Variants in SOX13 observed in about 807,000 individuals in gnomAD.
The protein encoded by SOX13 is transcription factor SOX-13.
In SOX13, 28 loss-of-function variants were observed where a neutral mutation model predicts 71.8. The observed-to-expected ratio is 0.39, with a 90% CI of 0.29 to 0.53. SOX13 has a LOEUF of 0.53. SOX13 is among the 20% of genes least tolerant of loss of function. The probability of loss-of-function intolerance (pLI) is 0.70; values close to 1 mark genes in which losing one functional copy is unlikely to be tolerated. For synonymous variants in SOX13, 309 were observed against 317.8 expected, an observed-to-expected ratio of 0.97 and a Z score of 0.29; for missense variants, 627 against 810.3, an observed-to-expected ratio of 0.77 and a Z score of 2.75.
intron 1 of SOX13, among the ~76,000 whole-genome samples, chr1:204,088,596 C>G (rs965504021): frequency 6.6e-6 from 1 of 152,152 alleles, no homozygotes; most frequent in Non-Finnish European, 1.5e-5. Context: ...TCACTCCTGT[C>G]CCGTTACCCC....
At chr1:204,077,053 T>C (rs1409201159) in intron 1 of SOX13, among the ~76,000 whole-genome samples, 1 of 152,144 alleles carries the variant, frequency 6.6e-6, no homozygotes, top group Non-Finnish European at 1.5e-5. Flanking sequence ...GTGGTGGCCC[T>C]AGATTGGGAG....
chr1:204,109,927 G>A (rs1439921528), intron 1 of SOX13, among the ~76,000 whole-genome samples: 1 of 151,988 alleles, frequency 6.6e-6, no homozygotes, highest in Non-Finnish European at 1.5e-5. Context: ...CCACCGCCCG[G>A]GTTCAAGAGA....
At chr1:204,078,952 C>T (rs1376910977) in intron 1 of SOX13, among the ~76,000 whole-genome samples, 2 of 152,198 alleles carry the variant, frequency 1.3e-5, no homozygotes, top group Non-Finnish European at 2.9e-5. Flanking sequence ...TGCTGTATGC[C>T]ATGGACCCAG....
intron 1 of SOX13, among the ~76,000 whole-genome samples, chr1:204,078,938 C>G (rs774829741): frequency 5.9e-5 from 9 of 152,204 alleles, no homozygotes; most frequent in Non-Finnish European, 1.3e-4. Context: ...CTCCTAAGAG[C>G]ACTTGCTGTA....
In SOX13 at chr1:204,123,599, GC is replaced by G; in HGVS notation, c.1232-59del. ...TCAAGTAGGGGACGTCTCTCTGCTG[GC>G]CCTGGGGCACTCTCCTGACCCCAGA... On this transcript the variant is annotated intron_variant, in intron 11 of 13. Transcript: ENST00000367204. This position sits in a 1 kb window ranked among gnomAD's most constrained non-coding sequence, Gnocchi z 5.0. The G allele has an allele frequency of 6.4e-7, 1 of 1,565,472 alleles. No individual in the cohort carries two copies. The highest frequency in any genetic ancestry group is 8.7e-7 in the Non-Finnish European group (1 of 1,150,564).
Position 204,096,949 on chromosome 1 carries a change from G to C in SOX13, c.-1-15966G>C, listed in dbSNP as rs1277422749. Among the ~76,000 whole-genome samples the C allele has an allele frequency of 2.0e-5, 3 of 152,084 alleles. No individual in the cohort carries two copies. In the East Asian group the frequency reaches 5.8e-4, roughly 29 times the overall value. Reference sequence around the variant, plus strand: ...ATCCACTGTGCTTTTTATCTTTTAAGGGGGAAGTCAAGGCCTGAGAAACAC... The same window carrying C: ...ATCCACTGTGCTTTTTATCTTTTAACGGGGAAGTCAAGGCCTGAGAAACAC... On this transcript the variant is annotated intron_variant, in intron 1 of 13. Transcript: ENST00000367204.
chr1:204,121,932 C>T lies in SOX13; in HGVS notation c.808C>T (p.Pro270Ser). ...TCCGCTGCAGCTGCTGCACAGCCCC[C>T]CTGCCCCAGTGGTGAAGAGGCCTGG... ...EYPLQLLHSP[P>S]APVVKRPGAM... Residue 270 changes from proline to serine, a missense_variant, in exon 8 of 14, where the codon CCT becomes TCT. By Grantham distance (74) the Pro-to-Ser change is moderately conservative. This residue lies in a region of SOX13 where 447 missense variants were observed against 532.2 expected (regional missense o/e 0.84). Transcript: ENST00000367204. The T allele has an allele frequency of 1.2e-6, 2 of 1,612,988 alleles. No homozygotes were observed. Among genetic ancestry groups the T allele is most frequent in the South Asian group, 1.1e-5 (1 of 91,028 alleles).
chr1:204,094,981 C>T (rs1469232293), intron 1 of SOX13, among the ~76,000 whole-genome samples: 1 of 152,178 alleles, frequency 6.6e-6, no homozygotes, highest in South Asian at 2.1e-4. Flanking sequence ...TCTTCCTCTT[C>T]CCAAGTGGCC....
Position 204,123,007 on chromosome 1 carries a change from G to T in SOX13, c.1134+44G>T. 6.7e-7 allele frequency: 1 copy of T among 1,500,156 alleles called. No individual in the cohort carries two copies. The highest frequency in any genetic ancestry group is 9.2e-7 in the Non-Finnish European group (1 of 1,083,540). 92.9% of individuals were successfully genotyped at this position (1,500,156 alleles called of 1,614,324 possible). On this transcript the variant is annotated intron_variant, in intron 10 of 13. Transcript: ENST00000367204. The surrounding 1 kb of genome is among the most constrained non-coding windows in gnomAD (Gnocchi z 5.0). Reference sequence around the variant, plus strand: ...TTGAGCCTAGGGGCAGCAACAGATGGTGGCCAGGAGTGGAAGACACAGTCT... The same window carrying T: ...TTGAGCCTAGGGGCAGCAACAGATGTTGGCCAGGAGTGGAAGACACAGTCT...
rs1419676460 is a variant in SOX13 at position 204,126,098 on chromosome 1, G to A, written c.1833G>A (p.Glu611=). The change falls in exon 14 of 14, where the codon GAG becomes GAA. Residue 611 remains glutamate, a synonymous_variant. Transcript: ENST00000367204. ...AGGACGAGGACTCGGAGGGCGAAGA[G>A]AAGAGCGATGGGGAGTTGGTGGTGC... is the stretch of plus-strand genomic sequence containing the variant. ...YSEDEDSEGE[E]KSDGELVVLT... The A allele has an allele frequency of 1.2e-6, 2 of 1,613,996 alleles. No individual in the cohort carries two copies. Among genetic ancestry groups the A allele is most frequent in the Non-Finnish European group, 1.7e-6 (2 of 1,179,870 alleles).
intron 1 of SOX13, among the ~76,000 whole-genome samples, chr1:204,074,927 C>T (rs1655753890): frequency 6.6e-6 from 1 of 151,982 alleles, no homozygotes; most frequent in African/African-American, 2.4e-5. Context: ...AATTTCCGGG[C>T]AGGACGCCTC....
chr1:204,076,641 G>A (rs1221534410), intron 1 of SOX13, among the ~76,000 whole-genome samples: 1 of 152,196 alleles, frequency 6.6e-6, no homozygotes, highest in Admixed American at 6.5e-5. Flanking sequence ...GGGTGCTGCT[G>A]CCCAGCCACA....
chr1:204,122,223 T>C lies in SOX13; in HGVS notation c.862-14T>C, dbSNP rs536386565. On this transcript the variant is annotated splice_polypyrimidine_tract_variant and intron_variant, in intron 8 of 13. Transcript: ENST00000367204. ...TGGTGTCTGTCATCCTCTGACCTGC[T>C]GGGTCTCCCTCAGGAGCCCTCCCAG... 1.1e-5 allele frequency: 17 copies of C among 1,559,242 alleles called. 1 individual carries two copies. The South Asian group carries it at 1.9e-4, about 18-fold the overall frequency.
At chr1:204,124,975 ATGCGTACGTGTGTG>A (rs1656891139) in intron 13 of SOX13, 118 bp downstream of exon 13, 1 of 729,872 alleles carries the variant, frequency 1.4e-6, no homozygotes, top group Admixed American at 2.1e-5. Flanking sequence ...TGCTGTGTGT[ATGCGTACGTGTGTG>A]TGTTATCTGT....
At position 204,121,981 on chromosome 1, in the gene SOX13, T is replaced by C. The variant is rs749802094; in HGVS notation, c.857T>C (p.Leu286Pro). Residue 286 changes from leucine to proline, a missense_variant, in exon 8 of 14, where the codon CTG becomes CCG. By Grantham distance (98) the Leu-to-Pro change is moderately conservative. This residue lies in a region of SOX13 where 447 missense variants were observed against 532.2 expected (regional missense o/e 0.84). Transcript: ENST00000367204. ...RPGAMATHHP[L>P]QEPSQPLNLT... is the part of the protein sequence containing the mutation. Reference sequence around the variant, plus strand: ...GGGGCCATGGCCACCCACCACCCCCTGCAGGTACCGCCCTCTACCCACTGG... The same window carrying C: ...GGGGCCATGGCCACCCACCACCCCCCGCAGGTACCGCCCTCTACCCACTGG... 1 of 1,601,794 alleles carries C rather than the reference T, an allele frequency of 6.2e-7. No homozygotes were observed. The highest frequency in any genetic ancestry group is 8.5e-7 in the Non-Finnish European group (1 of 1,169,638).
intron 1 of SOX13, among the ~76,000 whole-genome samples, chr1:204,086,929 T>C (rs1656034104): frequency 4.6e-4 from 1 of 2,190 alleles, no homozygotes. Flanking sequence ...TCTCCTTCCT[T>C]TTTTTTTTTT....
chr1:204,100,415 T>C (rs1656337243), intron 1 of SOX13, among the ~76,000 whole-genome samples: 1 of 152,210 alleles, frequency 6.6e-6, no homozygotes. Flanking sequence ...TGCCTCAGTT[T>C]CCAAAGGGTG....
At chr1:204,122,194 C>A (rs1162380126) in intron 8 of SOX13, 43 bp from the exon 9 acceptor site, 1 of 1,497,060 alleles carries the variant, frequency 6.7e-7, no homozygotes, top group African/African-American at 1.4e-5. Context: ...GTGGGAGTGT[C>A]CTTTGGTGTC....
chr1:204,087,099 T>A (rs1656038826), intron 1 of SOX13, among the ~76,000 whole-genome samples: 2 of 152,118 alleles, frequency 1.3e-5, no homozygotes, highest in African/African-American at 4.8e-5. Context: ...AATTTTTGTA[T>A]TTTTAGTAGA....
Sources: gnomAD v4.1 joint callset for allele counts (sites outside exome capture counted in the v4.1 genomes callset) on GRCh38, gnomAD v4.1.1 for gene constraint, gnomAD v4.1.1 regional missense constraint, Gnocchi (gnomAD v3.1) non-coding constraint, MANE v1.5 for transcripts, NCBI Gene and HGNC (gene_info 2026-07-23, HGNC 2026-07-21) for gene names.